Variants in PLSCR2 observed in about 807,000 individuals in gnomAD.
PLSCR2 encodes phospholipid scramblase 2.
PLSCR2 carries 18 observed loss-of-function variants against 25.3 expected under a neutral mutation model. That is an observed-to-expected ratio of 0.71 (90% CI 0.49 to 1.06). PLSCR2 has a LOEUF of 1.06. Among genes scored for constraint, PLSCR2 ranks in the 50% least tolerant of loss-of-function variants. PLSCR2 has a pLI of 0.00. For synonymous variants in PLSCR2, 88 were observed against 87.3 expected, an observed-to-expected ratio of 1.01 and a Z score of -0.04; for missense variants, 243 against 269.5, an observed-to-expected ratio of 0.90 and a Z score of 0.69.
At chr3:146,438,680 G>C (rs2040039890), downstream of PLSCR2, among the ~76,000 whole-genome samples, 1 of 152,138 alleles carries the variant, frequency 6.6e-6, no homozygotes, top group African/African-American at 2.4e-5. Context: ...CTGTATGTGA[G>C]ATGGGTCTCC....
intron 6 of PLSCR2, among the ~76,000 whole-genome samples, chr3:146,444,951 T>C (rs1187226007): frequency 1.3e-5 from 2 of 152,082 alleles, no homozygotes; most frequent in South Asian, 2.1e-4. Context: ...TTAAGATTAC[T>C]CTGAGGCTGG....
chr3:146,435,384 A>AC (rs1289404517), intron 8 of PLSCR2, among the ~76,000 whole-genome samples: 2 of 152,224 alleles, frequency 1.3e-5, no homozygotes, highest in African/African-American at 4.8e-5. Flanking sequence ...TTACAGTCCC[A>AC]CCAACAGTGT....
intron 1 of PLSCR2, among the ~76,000 whole-genome samples, chr3:146,490,135 T>A (rs1189104982): frequency 6.6e-6 from 1 of 152,044 alleles, no homozygotes; most frequent in Non-Finnish European, 1.5e-5. Context: ...CTTCTGAAAC[T>A]GGAAAAGTAG....
At chr3:146,442,795 A>G (rs1316884462) in intron 6 of PLSCR2, among the ~76,000 whole-genome samples, 1 of 152,104 alleles carries the variant, frequency 6.6e-6, no homozygotes, top group Non-Finnish European at 1.5e-5. Flanking sequence ...CACACCATAT[A>G]CAAAAGTAAA....
intron 2 of PLSCR2, among the ~76,000 whole-genome samples, chr3:146,403,473 T>G (rs547719697): frequency 6.6e-6 from 1 of 152,326 alleles, no homozygotes; most frequent in East Asian, 1.9e-4. Context: ...TTGATGCTGC[T>G]GTTCCAGGGA....
downstream of PLSCR2, chr3:146,441,641 T>C (rs554457767): frequency 2.5e-5 from 14 of 570,358 alleles, no homozygotes; most frequent in South Asian, 4.7e-5. Flanking sequence ...GCTACAAGCA[T>C]CATAGCTTAA....
chr3:146,453,024 C>T (rs192197725), intron 5 of PLSCR2, among the ~76,000 whole-genome samples: 2 of 151,998 alleles, frequency 1.3e-5, no homozygotes, highest in South Asian at 2.1e-4. Context: ...AAGGTCTCTA[C>T]AACACATGTG....
intron 1 of PLSCR2, among the ~76,000 whole-genome samples, chr3:146,493,216 A>G (rs185704120): frequency 1.3e-5 from 2 of 152,246 alleles, no homozygotes; most frequent in East Asian, 3.9e-4. Flanking sequence ...TACAAGATAT[A>G]CAAATAATAG....
chr3:146,409,476 G>A (rs2038772496), intron 2 of PLSCR2, among the ~76,000 whole-genome samples: 1 of 152,152 alleles, frequency 6.6e-6, no homozygotes, highest in Non-Finnish European at 1.5e-5. Context: ...CAGAGCCATG[G>A]AGGGGGCCTT....
At chr3:146,454,283 C>CT (rs1166701904) in intron 4 of PLSCR2, 120 bp from the exon 5 acceptor site, 202 of 598,254 alleles carry the variant, frequency 3.4e-4, no homozygotes, top group East Asian at 9.6e-4. Flanking sequence ...CTTCCTAGGA[C>CT]TTTTTTTTTA....
chr3:146,395,358 C>A (rs187363885), intron 3 of PLSCR2, among the ~76,000 whole-genome samples: 1 of 151,998 alleles, frequency 6.6e-6, no homozygotes, highest in African/African-American at 2.4e-5. Context: ...CTTTGTATTG[C>A]GCAAGAGATA....
At chr3:146,443,250 T>C (rs2040352181) in intron 6 of PLSCR2, among the ~76,000 whole-genome samples, 1 of 151,976 alleles carries the variant, frequency 6.6e-6, no homozygotes, top group South Asian at 2.1e-4. Context: ...ATGTCTTTGT[T>C]TGGTTTTGGT....
intron 6 of PLSCR2, among the ~76,000 whole-genome samples, chr3:146,446,081 C>A (rs371971819): frequency 1.8e-4 from 27 of 152,088 alleles, no homozygotes; most frequent in African/African-American, 6.5e-4. Context: ...GTTGAGTGTT[C>A]TCAAAACAAC....
chr3:146,427,006 C>T (rs2039378375), intron 2 of PLSCR2, among the ~76,000 whole-genome samples: 1 of 152,088 alleles, frequency 6.6e-6, no homozygotes, highest in South Asian at 2.1e-4. Context: ...GTAAACTTCA[C>T]CCTCAATTTA....
chr3:146,410,717 CAATA>C (rs1559974474), intron 2 of PLSCR2, among the ~76,000 whole-genome samples: 1 of 152,200 alleles, frequency 6.6e-6, no homozygotes, highest in Admixed American at 6.5e-5. Flanking sequence ...CCGAACAAAA[CAATA>C]AACATAAAAC....
chr3:146,397,031 A>C (rs575542996), intron 2 of PLSCR2, among the ~76,000 whole-genome samples: 1 of 152,276 alleles, frequency 6.6e-6, no homozygotes, highest in East Asian at 1.9e-4. Flanking sequence ...CTCTATATGA[A>C]GCTAGTTCTC....
intron 2 of PLSCR2, among the ~76,000 whole-genome samples, chr3:146,406,656 C>G (rs1256812559): frequency 6.6e-6 from 1 of 152,110 alleles, no homozygotes; most frequent in Admixed American, 6.6e-5. Flanking sequence ...TTGACCTAGG[C>G]CTGGGGACCT....
At chr3:146,402,251 G>GA (rs1279544610) in intron 2 of PLSCR2, among the ~76,000 whole-genome samples, 5 of 151,916 alleles carry the variant, frequency 3.3e-5, no homozygotes, top group Admixed American at 6.6e-5. Context: ...TTATGATAAA[G>GA]AAAAAATAAC....
At chr3:146,490,417 C>T (rs1437615191) in intron 1 of PLSCR2, among the ~76,000 whole-genome samples, 3 of 151,990 alleles carry the variant, frequency 2.0e-5, no homozygotes, top group Admixed American at 1.3e-4. Context: ...AAGCATGCCT[C>T]GTAGATCTGT....
Sources: gnomAD v4.1 joint callset for allele counts (sites outside exome capture counted in the v4.1 genomes callset) on GRCh38, gnomAD v4.1.1 for gene constraint, MANE v1.5 for transcripts, NCBI Gene and HGNC (gene_info 2026-07-23, HGNC 2026-07-21) for gene names.